BRDT: variants seen among roughly 807,000 people sequenced by gnomAD.
The protein encoded by BRDT is bromodomain testis associated.
Under a neutral mutation model 113.9 loss-of-function variants are expected in BRDT, and 77 were observed. That is an observed-to-expected ratio of 0.68 (90% CI 0.56 to 0.82). BRDT has a LOEUF of 0.82. BRDT is among the 40% of genes least tolerant of loss of function. The pLI, the probability that BRDT is intolerant of heterozygous loss-of-function variation, is 0.00. For missense variants in BRDT, 1,027 were observed against 1,105.4 expected, an observed-to-expected ratio of 0.93 and a Z score of 1.01; for synonymous variants, 358 against 366.5, an observed-to-expected ratio of 0.98 and a Z score of 0.26.
chr1:91,953,603 C>T (rs1353784918), intron 1 of BRDT, among the ~76,000 whole-genome samples: 1 of 152,174 alleles, frequency 6.6e-6, no homozygotes, highest in African/African-American at 2.4e-5. Flanking sequence ...TCGCTTGAAC[C>T]TGGGAGGCAG....
chr1:91,962,859 A>G lies in BRDT; in HGVS notation c.105A>G (p.Leu35=). Residue 35 remains leucine (L), a synonymous_variant, in exon 2 of 19, where the codon CTA becomes CTG. Transcript: ENST00000399546. ...NGRLTNQLQY[L]QKVVLKDLWK... ...GATTGACAAATCAACTTCAGTATCT[A>G]CAAAAAGTTGTCCTAAAGGATTTAT... is the stretch of plus-strand genomic sequence containing the variant. 1 of 1,613,236 alleles carries G rather than the reference A, an allele frequency of 6.2e-7. No homozygotes were observed. Among genetic ancestry groups the G allele is most frequent in the Non-Finnish European group, 8.5e-7 (1 of 1,179,648 alleles).
intron 12 of BRDT, among the ~76,000 whole-genome samples, 190 bp downstream of exon 12, chr1:91,981,945 G>A (rs903535315): frequency 5.9e-5 from 9 of 151,962 alleles, no homozygotes; most frequent in Admixed American, 2.0e-4. Flanking sequence ...ATGAAACTTC[G>A]TATTATATGT....
intron 18 of BRDT, among the ~76,000 whole-genome samples, chr1:92,009,752 G>A (rs1377694490): frequency 1.3e-5 from 2 of 150,818 alleles, no homozygotes; most frequent in Non-Finnish European, 3.0e-5. Flanking sequence ...TATTTTTTTT[G>A]TAGAGACAAA....
At chr1:92,007,846 A>G (rs1217663649) in intron 18 of BRDT, among the ~76,000 whole-genome samples, 1 of 152,206 alleles carries the variant, frequency 6.6e-6, no homozygotes, top group East Asian at 1.9e-4. Flanking sequence ...ATATTTACAT[A>G]TGCAGTTACC....
chr1:91,957,199 A>C (rs987748707), intron 1 of BRDT, among the ~76,000 whole-genome samples: 2 of 152,186 alleles, frequency 1.3e-5, no homozygotes, highest in Non-Finnish European at 2.9e-5. Flanking sequence ...GTGTTTTAAT[A>C]GATTTTATTT....
At chr1:91,950,283 CTA>C (rs1557787971) in intron 1 of BRDT, 1 of 152,068 alleles carries the variant, frequency 6.6e-6, no homozygotes, top group Non-Finnish European at 1.5e-5. Flanking sequence ...ATGCCCATCT[CTA>C]CCAAAAATAC....
chr1:91,967,252 TA>T (rs1404417935), intron 3 of BRDT, among the ~76,000 whole-genome samples: 1 of 152,014 alleles, frequency 6.6e-6, no homozygotes, highest in East Asian at 1.9e-4. Flanking sequence ...TTTTTTTTTT[TA>T]AGACGGAGTT....
chr1:91,993,734 T>C (rs960898614), intron 14 of BRDT, among the ~76,000 whole-genome samples: 5 of 152,182 alleles, frequency 3.3e-5, no homozygotes, highest in Non-Finnish European at 7.4e-5. Context: ...TTTGTTTTGT[T>C]TTGTTTTTTA....
Position 91,991,209 on chromosome 1 carries a change from A to G in BRDT, c.2028A>G (p.Val676=), listed in dbSNP as rs748729517. The G allele has an allele frequency of 3.1e-5, 48 of 1,546,416 alleles. No homozygotes were observed. Among genetic ancestry groups the G allele is most frequent in the Non-Finnish European group, 4.2e-5 (48 of 1,130,648 alleles). The change falls in exon 13 of 19, where the codon GTA becomes GTG. Residue 676 remains valine, a synonymous_variant. Coordinates refer to ENST00000399546, the MANE Select transcript of BRDT (RefSeq NM_207189.4). The part of the protein sequence containing the change: ...ESEMFPKFTE[V]KPNDSPSKEN... The stretch of plus-strand genomic sequence containing the variant: ...AAATGTTCCCTAAGTTTACAGAAGT[A>G]AAACCAAATGATTCTCCTTCTAAAG...
intron 4 of BRDT, among the ~76,000 whole-genome samples, chr1:91,974,998 T>C (rs1395868955): frequency 6.6e-6 from 1 of 152,136 alleles, no homozygotes; most frequent in East Asian, 1.9e-4. Context: ...TGGATGAAGC[T>C]GGAAACCATC....
intron 4 of BRDT, among the ~76,000 whole-genome samples, chr1:91,975,980 T>C (rs1049837322): frequency 7.9e-5 from 12 of 152,186 alleles, no homozygotes; most frequent in African/African-American, 2.4e-4. Context: ...TGTTCATAGC[T>C]ACCTGAAGCT....
In BRDT at chr1:91,980,851, A is replaced by G. The variant is rs374011287; in HGVS notation, c.1460+36A>G. On this transcript the variant is annotated intron_variant, in intron 9 of 18. Transcript: ENST00000399546. ...TTTATTATGATAGCTTATTAAGACAATAACGATAAGTTGGACTAAATTTAG... is the reference window on the plus strand; with the variant it reads ...TTTATTATGATAGCTTATTAAGACAGTAACGATAAGTTGGACTAAATTTAG... 1.6e-5 allele frequency: 26 copies of G among 1,591,490 alleles called. No individual in the cohort carries two copies. In the African/African-American group the frequency reaches 3.1e-4, roughly 19 times the overall value.
chr1:91,971,708 A>G (rs562232518), intron 4 of BRDT, among the ~76,000 whole-genome samples: 51 of 152,324 alleles, frequency 3.3e-4, no homozygotes, highest in African/African-American at 1.2e-3. Flanking sequence ...GACAAACATG[A>G]CAGATTCAGT....
intron 18 of BRDT, among the ~76,000 whole-genome samples, chr1:92,010,160 G>A (rs961595405): frequency 6.6e-6 from 1 of 151,520 alleles, no homozygotes; most frequent in African/African-American, 2.4e-5. Context: ...AAAAATTTTG[G>A]CCATTATTTA....
At chr1:91,981,414 G>A in intron 11 of BRDT, 33 bp downstream of exon 11, 1 of 1,549,710 alleles carries the variant, frequency 6.5e-7, no homozygotes, top group Non-Finnish European at 8.9e-7. Context: ...TTGTATGTAT[G>A]TATGTATGTA....
At chr1:91,962,652 C>A in intron 1 of BRDT, 66 bp from the exon 2 acceptor site, 1 of 993,336 alleles carries the variant, frequency 1.0e-6, no homozygotes, top group Non-Finnish European at 1.4e-6. Flanking sequence ...TCTTGAATAA[C>A]ACTTTTCAGC....
chr1:91,967,898 A>G (rs919678609), intron 3 of BRDT, among the ~76,000 whole-genome samples: 1 of 152,226 alleles, frequency 6.6e-6, no homozygotes, highest in Non-Finnish European at 1.5e-5. Context: ...TTTAGTGTTC[A>G]GAAAGCCATT....
At chr1:91,996,110 T>A (rs1570609228) in intron 15 of BRDT, among the ~76,000 whole-genome samples, 3 of 152,148 alleles carry the variant, frequency 2.0e-5, no homozygotes, top group East Asian at 1.9e-4. Flanking sequence ...ACAGAAGATA[T>A]GATAGCTATA....
In BRDT at chr1:91,979,735, G is replaced by C. The variant is rs140481537; in HGVS notation, c.1265G>C (p.Arg422Pro). The change falls in exon 8 of 19, where the codon CGT becomes CCT. Residue 422 changes from arginine (R) to proline (P), a missense_variant. Coordinates refer to ENST00000399546, the MANE Select transcript of BRDT (RefSeq NM_207189.4). ...GATTCTGAAGATGAGCGAGTTAAGCGTCTTGCAAAGCTTCAGGAGCAGGTA... is the reference window on the plus strand; with the variant it reads ...GATTCTGAAGATGAGCGAGTTAAGCCTCTTGCAAAGCTTCAGGAGCAGGTA... ...SDDSEDERVK[R>P]LAKLQEQLKA... 5 of 1,608,380 alleles carry C rather than the reference G, an allele frequency of 3.1e-6. No homozygotes were observed. The highest frequency in any genetic ancestry group is 2.7e-5 in the African/African-American group (2 of 74,614).
Sources: allele counts gnomAD v4.1 joint callset (sites outside exome capture counted in the v4.1 genomes callset), GRCh38; gene constraint gnomAD v4.1.1; transcripts MANE v1.5; gene names NCBI Gene and HGNC (gene_info 2026-07-23, HGNC 2026-07-21).